Variants in CSNK1D observed in about 807,000 individuals in gnomAD.
CSNK1D encodes the protein casein kinase I isoform delta.
Under a neutral mutation model 46.6 loss-of-function variants are expected in CSNK1D, and 16 were observed. The observed-to-expected ratio is 0.34, with a 90% CI of 0.23 to 0.52. CSNK1D has a LOEUF of 0.52. Ranked by LOEUF, CSNK1D falls within the 20% of genes least tolerant of loss-of-function variation. The probability of loss-of-function intolerance (pLI) is 0.95; values close to 1 mark genes in which losing one functional copy is unlikely to be tolerated. For synonymous variants in CSNK1D, 276 were observed against 228.2 expected (o/e 1.21, Z -1.89); for missense variants, 398 against 578.4 (o/e 0.69, Z 3.20).
intron 1 of CSNK1D, among the ~76,000 whole-genome samples, chr17:82,270,502 C>T (rs868298173): frequency 5.3e-5 from 8 of 152,302 alleles, no homozygotes; most frequent in Middle Eastern, 3.4e-3. Context: ...ATACACGACA[C>T]ACAGAGGTCA....
At position 82,260,384 on chromosome 17, in the gene CSNK1D, G is replaced by C. The variant is rs539557278; in HGVS notation, c.188-4807C>G. 1.3e-4 allele frequency among the ~76,000 whole-genome samples: 19 copies of C among 148,052 alleles called. No individual in the cohort carries two copies. The South Asian group carries it at 4.1e-3, about 32-fold the overall frequency. Reference sequence around the variant, plus strand: ...GGTGTACGGACTGATGTGACTGATGGTGTACTGACTGATGGTGTACTGAGT... The same window carrying C: ...GGTGTACGGACTGATGTGACTGATGCTGTACTGACTGATGGTGTACTGAGT... On this transcript the variant is annotated intron_variant, in intron 2 of 8. Transcript: ENST00000314028.
chr17:82,266,703 A>C (rs2051476988), intron 1 of CSNK1D: 2 of 152,540 alleles, frequency 1.3e-5, no homozygotes, highest in African/African-American at 4.8e-5. Flanking sequence ...GGAGAGAAAA[A>C]GAAGCTGCAC....
At chr17:82,241,089 G>A (rs1260237433), downstream of CSNK1D, among the ~76,000 whole-genome samples, 2 of 151,950 alleles carry the variant, frequency 1.3e-5, no homozygotes, top group South Asian at 4.2e-4. Flanking sequence ...CCTGACCAGA[G>A]ACACGTCCGT....
At position 82,249,625 on chromosome 17, in the gene CSNK1D, C is replaced by T. The variant is rs967296182; in HGVS notation, c.886-23G>A. 4.5e-6 allele frequency: 7 copies of T among 1,556,198 alleles called. No individual in the cohort carries two copies. The highest frequency in any genetic ancestry group is 6.1e-6 in the Non-Finnish European group (7 of 1,156,438). On this transcript the variant is annotated intron_variant, in intron 6 of 8. Transcript: ENST00000314028. The surrounding 1 kb of genome is among the most constrained non-coding windows in gnomAD (Gnocchi z 6.7). Reference sequence around the variant, plus strand: ...ACCCTGAGGAGGCAGGAGGTGAGGCCGGAATGGAACCAGCTTTGGCAGAAA... The same window carrying T: ...ACCCTGAGGAGGCAGGAGGTGAGGCTGGAATGGAACCAGCTTTGGCAGAAA...
In CSNK1D at chr17:82,255,371, G is replaced by A. The variant is rs759717634; in HGVS notation, c.336+58C>T. 47 of 1,582,714 alleles carry A rather than the reference G, an allele frequency of 3.0e-5. No individual in the cohort carries two copies. The highest frequency in any genetic ancestry group is 1.7e-4 in the Middle Eastern group (1 of 6,004). On this transcript the variant is annotated intron_variant, in intron 3 of 8. Transcript: ENST00000314028. This position sits in a 1 kb window ranked among gnomAD's most constrained non-coding sequence, Gnocchi z 5.9. ...TAATAATGGCAAGAACAGCACAAGC[G>A]AGTGGCTGATTCTATCAGACAGCAA...
intron 1 of CSNK1D, among the ~76,000 whole-genome samples, chr17:82,267,974 G>A (rs980537035): frequency 6.6e-6 from 1 of 152,256 alleles, no homozygotes; most frequent in Non-Finnish European, 1.5e-5. Context: ...TGGGGCAAAA[G>A]TCATCACCAG....
chr17:82,242,178 G>A (rs867740450), downstream of CSNK1D, among the ~76,000 whole-genome samples: 6 of 143,516 alleles, frequency 4.2e-5, no homozygotes, highest in East Asian at 2.2e-4. Flanking sequence ...GACAGCCCCC[G>A]CAGGCCTTGG....
At chr17:82,258,204 CAAAAAA>C (rs36125401) in intron 2 of CSNK1D, among the ~76,000 whole-genome samples, 1 of 51,906 alleles carries the variant, frequency 1.9e-5, no homozygotes, top group Non-Finnish European at 4.2e-5. Flanking sequence ...GAGACCGTCT[CAAAAAA>C]AAAAAAAAAA....
rs768049315 is a variant in CSNK1D, at chr17:82,248,850, G to A, written c.1197+25C>T. 4.5e-5 allele frequency: 72 copies of A among 1,602,810 alleles called. No homozygotes were observed. The highest frequency in any genetic ancestry group is 6.0e-5 in the Non-Finnish European group (71 of 1,174,428). On this transcript the variant is annotated intron_variant, in intron 8 of 8. Coordinates refer to ENST00000314028, the MANE Select transcript of CSNK1D (RefSeq NM_001893.6). This position sits in a 1 kb window ranked among gnomAD's most constrained non-coding sequence, Gnocchi z 4.1. The stretch of plus-strand genomic sequence containing the variant: ...CGGACGGGGTAGCCCGAGGCCCAGC[G>A]CCCGCCCGGGAGCTCTGCACCTACC...
At chr17:82,246,454 G>GC in intron 8 of CSNK1D, 1 of 1,140,148 alleles carries the variant, frequency 8.8e-7, no homozygotes, top group Non-Finnish European at 1.1e-6. Context: ...GTTGATCAAA[G>GC]CGAGTCATCG....
intron 1 of CSNK1D, among the ~76,000 whole-genome samples, chr17:82,270,022 A>G (rs141996714): frequency 6.6e-6 from 1 of 152,332 alleles, no homozygotes; most frequent in African/African-American, 2.4e-5. Context: ...AGGTCACACA[A>G]CAGGCTGCCA....
intron 2 of CSNK1D, among the ~76,000 whole-genome samples, chr17:82,259,377 T>A (rs77043684): frequency 3.9e-5 from 6 of 152,336 alleles, no homozygotes; most frequent in Admixed American, 1.3e-4. Context: ...TAACAGCAGT[T>A]TTATTTCTGC....
intron 3 of CSNK1D, chr17:82,254,239 AGTGCAGTGC>A (rs1239876817): frequency 1.4e-5 from 4 of 277,146 alleles, no homozygotes; most frequent in African/African-American, 1.2e-4. Flanking sequence ...TCGAGAAGCC[AGTGCAGTGC>A]GCTGAGCCGC....
At position 82,247,263 on chromosome 17, in the gene CSNK1D, G is replaced by C. The variant is rs557161770; in HGVS notation, c.1197+1612C>G. Reference sequence around the variant, plus strand: ...CGGGTTCCTGCCACAGCTCACCATGGAAGGAGACACTGCTCACGGCCACCT... The same window carrying C: ...CGGGTTCCTGCCACAGCTCACCATGCAAGGAGACACTGCTCACGGCCACCT... On this transcript the variant is annotated intron_variant, in intron 8 of 8. Transcript: ENST00000314028. 6 of 985,418 alleles carry C rather than the reference G, an allele frequency of 6.1e-6. No individual in the cohort carries two copies. In the African/African-American group the frequency reaches 8.7e-5, roughly 14 times the overall value. The allele number at this position is 985,418 out of a possible 1,614,324, so 61.0% of individuals were successfully genotyped here.
intron 3 of CSNK1D, 75 bp from the exon 4 acceptor site, chr17:82,253,319 A>C (rs1036936561): frequency 2.2e-5 from 24 of 1,112,418 alleles, no homozygotes; most frequent in Middle Eastern, 2.0e-4. Context: ...GTGGGACACT[A>C]CATCAGTGGC....
rs2051010199 is a variant in CSNK1D at position 82,251,580 on chromosome 17, G to A, written c.737-53C>T. On this transcript the variant is annotated intron_variant, in intron 5 of 8. Transcript: ENST00000314028. The surrounding 1 kb of genome is among the most constrained non-coding windows in gnomAD (Gnocchi z 4.5). The stretch of plus-strand genomic sequence containing the variant: ...TCATGAAACCCAACTGCGACTCAAG[G>A]TGTCTCTGCCAACGTCGCTGTCTAC... 1 of 1,602,664 alleles carries A rather than the reference G, an allele frequency of 6.2e-7. No individual in the cohort carries two copies. Among genetic ancestry groups the A allele is most frequent in the Non-Finnish European group, 8.5e-7 (1 of 1,171,962 alleles).
chr17:82,265,201 C>A, intron 2 of CSNK1D: 4 of 186,256 alleles, frequency 2.1e-5, no homozygotes, highest in East Asian at 3.0e-4. Flanking sequence ...TTGGGGGGGA[C>A]AGGGTCTCAC....
intron 3 of CSNK1D, chr17:82,254,689 G>C (rs1346489659): frequency 7.9e-5 from 8 of 101,334 alleles, no homozygotes; most frequent in East Asian, 4.0e-4. Context: ...CCGGAGCCTC[G>C]AGACGCCAGT....
Position 82,250,728 on chromosome 17 carries a change from C to T in CSNK1D, c.885+651G>A, listed in dbSNP as rs1488539294. 6.0e-6 allele frequency: 1 copy of T among 166,014 alleles called. No individual in the cohort carries two copies. The highest frequency in any genetic ancestry group is 1.3e-5 in the Non-Finnish European group (1 of 74,812). 10.3% of individuals were successfully genotyped at this position (166,014 alleles called of 1,614,324 possible). On this transcript the variant is annotated intron_variant, in intron 6 of 8. Coordinates refer to ENST00000314028, the MANE Select transcript of CSNK1D (RefSeq NM_001893.6). The surrounding 1 kb of genome is among the most constrained non-coding windows in gnomAD (Gnocchi z 4.6). Reference sequence around the variant, plus strand: ...CCTCCCAAGAGGCAGTTCTGCTCCTCCATCAGACTGCTGCCTGGAAAAGCT... The same window carrying T: ...CCTCCCAAGAGGCAGTTCTGCTCCTTCATCAGACTGCTGCCTGGAAAAGCT...
Sources: allele counts gnomAD v4.1 joint callset (sites outside exome capture counted in the v4.1 genomes callset), GRCh38; gene constraint gnomAD v4.1.1; non-coding constraint Gnocchi (gnomAD v3.1); transcripts MANE v1.5; gene names NCBI Gene and HGNC (gene_info 2026-07-23, HGNC 2026-07-21).